Variants in VPS13B observed in about 807,000 individuals in gnomAD.
VPS13B encodes the protein vacuolar protein sorting 13 homolog B, also known as intermembrane lipid transfer protein VPS13B.
Under a neutral mutation model 426.4 loss-of-function variants are expected in VPS13B, and 285 were observed. That is an observed-to-expected ratio of 0.67 (90% CI 0.61 to 0.74). The LOEUF (loss-of-function observed/expected upper bound fraction) is 0.74. Among genes scored for constraint, VPS13B ranks in the 30% least tolerant of loss-of-function variants. VPS13B has a pLI of 0.00. For synonymous variants in VPS13B, 1,676 were observed against 1,676.4 expected (o/e 1.00, Z 0.01); for missense variants, 4,537 against 4,782.6 (o/e 0.95, Z 1.51).
intron 41 of VPS13B, among the ~76,000 whole-genome samples, chr8:99,777,588 C>G (rs1811808049): frequency 2.0e-5 from 3 of 152,204 alleles, no homozygotes; most frequent in Admixed American, 2.0e-4. Flanking sequence ...TATCAGATCC[C>G]TTTGAAAGAA....
chr8:99,501,240 C>G (rs924664713), intron 25 of VPS13B, among the ~76,000 whole-genome samples: 12 of 152,018 alleles, frequency 7.9e-5, no homozygotes, highest in Non-Finnish European at 1.8e-4. Flanking sequence ...TAGTAAATAC[C>G]TTTGGACTTT....
At chr8:99,437,650 G>A (rs1817458269) in intron 22 of VPS13B, among the ~76,000 whole-genome samples, 2 of 152,192 alleles carry the variant, frequency 1.3e-5, no homozygotes, top group East Asian at 3.9e-4. Flanking sequence ...CCTGGGTGGT[G>A]GAGGTTGCAG....
At position 99,217,201 on chromosome 8, in the gene VPS13B, C is replaced by A. The variant is rs889278194; in HGVS notation, c.2515+24144C>A. Among the ~76,000 whole-genome samples the A allele has an allele frequency of 5.3e-5, 8 of 152,252 alleles. No individual in the cohort carries two copies. The South Asian group carries it at 8.3e-4, about 16-fold the overall frequency. On this transcript the variant is annotated intron_variant, in intron 17 of 61. Coordinates refer to ENST00000357162, the MANE Select transcript of VPS13B (RefSeq NM_152564.5). ...ACATTTATAATAGTAACAATAATTG[C>A]TAACACATAAGTGATTATCGTGTGC...
chr8:99,431,039 G>A (rs1012422777), intron 21 of VPS13B, among the ~76,000 whole-genome samples: 1 of 152,248 alleles, frequency 6.6e-6, no homozygotes, highest in Admixed American at 6.5e-5. Flanking sequence ...TTAAAATTGA[G>A]AGATTTTATT....
chr8:99,017,512 T>G (rs1841683391), intron 2 of VPS13B, among the ~76,000 whole-genome samples: 1 of 152,056 alleles, frequency 6.6e-6, no homozygotes, highest in African/African-American at 2.4e-5. Context: ...TTTTATTTTT[T>G]GAGACAGAGT....
intron 13 of VPS13B, among the ~76,000 whole-genome samples, chr8:99,146,409 G>C (rs1317854734): frequency 6.6e-6 from 1 of 152,132 alleles, no homozygotes; most frequent in Non-Finnish European, 1.5e-5. Context: ...ATTTCCCACT[G>C]TCAGTACCAT....
intron 54 of VPS13B, among the ~76,000 whole-genome samples, chr8:99,840,267 TCCCCCAG>T (rs1815615006): frequency 6.6e-6 from 1 of 152,248 alleles, no homozygotes; most frequent in African/African-American, 2.4e-5. Context: ...GTCAACCACA[TCCCCCAG>T]GTCTTTATCA....
At position 99,778,622 on chromosome 8, in the gene VPS13B, T is replaced by C. The variant is rs543639552; in HGVS notation, c.7430-60T>C. 5 of 1,486,498 alleles carry C rather than the reference T, an allele frequency of 3.4e-6. No homozygotes were observed. The South Asian group carries it at 5.7e-5, about 17-fold the overall frequency. 92.1% of individuals were successfully genotyped at this position (1,486,498 alleles called of 1,614,324 possible). A position where few individuals can be genotyped will look rare whatever the true frequency, so the allele number is the denominator to read the frequency against. On this transcript the variant is annotated intron_variant, in intron 41 of 61. Transcript: ENST00000357162. Reference sequence around the variant, plus strand: ...ATAGTTTGAATGTCATTTCACTCTTTATTTTCACAAAATATTGGCTCATCT... The same window carrying C: ...ATAGTTTGAATGTCATTTCACTCTTCATTTTCACAAAATATTGGCTCATCT...
At chr8:99,556,407 T>G (rs1269132394) in intron 30 of VPS13B, 43 bp from the exon 31 acceptor site, 1 of 1,584,412 alleles carries the variant, frequency 6.3e-7, no homozygotes, top group Admixed American at 1.7e-5. Context: ...TTATTTTATC[T>G]GTTTTCTTGT....
chr8:99,819,581 A>G lies in VPS13B; in HGVS notation c.8791A>G (p.Arg2931Gly). 1 of 1,613,434 alleles carries G rather than the reference A, an allele frequency of 6.2e-7. No homozygotes were observed. The highest frequency in any genetic ancestry group is 8.5e-7 in the Non-Finnish European group (1 of 1,179,728). Residue 2931 changes from arginine to glycine, a missense_variant and splice_region_variant, in exon 48 of 62, where the codon AGG becomes GGG. Arg to Gly is a moderately radical substitution (Grantham distance 125). Around this residue, in one of 2 missense-constraint regions of VPS13B, gnomAD observed 4,311 missense variants for 4,474.3 expected, o/e 0.96. Coordinates refer to ENST00000357162, the MANE Select transcript of VPS13B (RefSeq NM_152564.5). ...GCCCTATAATAAGAAGGATTCTGAC[A>G]GGTAATATTCTTCAGTGATCTTTTT... ...IWPYNKKDSD[R>G]NEQLSQWDSP...
At chr8:99,716,034 C>G (rs964897981) in intron 36 of VPS13B, among the ~76,000 whole-genome samples, 2 of 151,998 alleles carry the variant, frequency 1.3e-5, no homozygotes, top group African/African-American at 4.8e-5. Flanking sequence ...AGCTTTGAAT[C>G]AGGATAATTG....
At chr8:99,300,768 T>A (rs1820315777) in intron 19 of VPS13B, among the ~76,000 whole-genome samples, 1 of 152,116 alleles carries the variant, frequency 6.6e-6, no homozygotes, top group African/African-American at 2.4e-5. Context: ...ATTAGGTGTT[T>A]GTCATTAATG....
At chr8:99,308,813 C>T (rs1004085951) in intron 19 of VPS13B, among the ~76,000 whole-genome samples, 30 of 152,086 alleles carry the variant, frequency 2.0e-4, no homozygotes, top group Non-Finnish European at 3.5e-4. Flanking sequence ...TAAAAGTGTT[C>T]CTATTTCTCC....
chr8:99,096,308 A>C lies in VPS13B; in HGVS notation c.292-4A>C, dbSNP rs1413600665. Reference sequence around the variant, plus strand: ...TTCTTTTTCTTTCTTTAAAATAAAAATAGGATGACCATGAAAGCTGTGGTT... The same window carrying C: ...TTCTTTTTCTTTCTTTAAAATAAAACTAGGATGACCATGAAAGCTGTGGTT... On this transcript the variant is annotated splice_polypyrimidine_tract_variant and splice_region_variant and intron_variant, in intron 3 of 61. Transcript: ENST00000357162. The C allele has an allele frequency of 3.7e-6, 6 of 1,613,814 alleles. No homozygotes were observed. The highest frequency in any genetic ancestry group is 5.1e-6 in the Non-Finnish European group (6 of 1,179,860).
At chr8:99,130,294 TTGAGCA>T (rs1254641497) in intron 8 of VPS13B, among the ~76,000 whole-genome samples, 1 of 152,194 alleles carries the variant, frequency 6.6e-6, no homozygotes, top group Non-Finnish European at 1.5e-5. Flanking sequence ...CATTAGCATT[TTGAGCA>T]GTTGATATCA....
At chr8:99,240,180 T>A (rs1031633935) in intron 17 of VPS13B, among the ~76,000 whole-genome samples, 3 of 152,178 alleles carry the variant, frequency 2.0e-5, no homozygotes, top group Admixed American at 2.0e-4. Context: ...ACTCTGGGCA[T>A]TTTTTGGGGA....
At chr8:99,708,242 A>T (rs998746384) in intron 36 of VPS13B, among the ~76,000 whole-genome samples, 1 of 152,148 alleles carries the variant, frequency 6.6e-6, no homozygotes, top group African/African-American at 2.4e-5. Flanking sequence ...ACACAACTGT[A>T]AAAACCGTGA....
intron 17 of VPS13B, among the ~76,000 whole-genome samples, chr8:99,207,447 C>A (rs1814795161): frequency 6.6e-6 from 1 of 152,042 alleles, no homozygotes; most frequent in Non-Finnish European, 1.5e-5. Context: ...TCTGATGATA[C>A]TTCATGGCAC....
chr8:99,840,137 C>T (rs1013165935), intron 54 of VPS13B, among the ~76,000 whole-genome samples: 3 of 152,360 alleles, frequency 2.0e-5, no homozygotes, highest in African/African-American at 4.8e-5. Flanking sequence ...CGGAATTACA[C>T]ACAGTATTCC....
Sources: gnomAD v4.1 joint callset for allele counts (sites outside exome capture counted in the v4.1 genomes callset) on GRCh38, gnomAD v4.1.1 for gene constraint, gnomAD v4.1.1 regional missense constraint, MANE v1.5 for transcripts, NCBI Gene and HGNC (gene_info 2026-07-23, HGNC 2026-07-21) for gene names.